Variants in IGHMBP2 observed in about 807,000 individuals in gnomAD.
The protein encoded by IGHMBP2 is DNA-binding protein SMUBP-2.
IGHMBP2 carries 81 observed loss-of-function variants against 96.0 expected under a neutral mutation model. The observed-to-expected ratio is 0.84, with a 90% CI of 0.71 to 1.01. The LOEUF is 1.01. Among genes scored for constraint, IGHMBP2 ranks in the 50% least tolerant of loss-of-function variants. The pLI is 0.00. For missense variants in IGHMBP2, 1,227 were observed against 1,306.3 expected (o/e 0.94, Z 0.94); for synonymous variants, 557 against 548.9 (o/e 1.01, Z -0.21).
At chr11:68,933,010 T>G in intron 8 of IGHMBP2, 1 of 516,916 alleles carries the variant, frequency 1.9e-6, no homozygotes. Flanking sequence ...GACCCTTGGG[T>G]TATCACCTGG....
Position 68,938,338 on chromosome 11 carries a change from G to T in IGHMBP2, c.2768G>T (p.Ser923Ile). ...CQLCSRRYCLSHHLPEIHGCG... is the reference protein window; with the variant it reads ...CQLCSRRYCLIHHLPEIHGCG... ...CTCTGCAGCCGCCGCTACTGCCTCAGCCACCACCTGCCCGAGGTATGTCGG... is the reference window on the plus strand; with the variant it reads ...CTCTGCAGCCGCCGCTACTGCCTCATCCACCACCTGCCCGAGGTATGTCGG... Residue 923 changes from serine to isoleucine, a missense_variant, in exon 14 of 15, where the codon AGC (serine) becomes ATC (isoleucine). Ser to Ile is a moderately radical substitution (Grantham distance 142). This residue lies in a region of IGHMBP2 where 703 missense variants were observed against 770.3 expected (regional missense o/e 0.91). Coordinates refer to ENST00000255078, the MANE Select transcript of IGHMBP2 (RefSeq NM_002180.3). The T allele has an allele frequency of 1.2e-6, 2 of 1,610,740 alleles. No individual in the cohort carries two copies. Among genetic ancestry groups the T allele is most frequent in the Non-Finnish European group, 1.7e-6 (2 of 1,179,258 alleles).
chr11:68,937,214 A>G (rs1289609592), intron 13 of IGHMBP2, 123 bp downstream of exon 13: 4 of 1,263,872 alleles, frequency 3.2e-6, no homozygotes, highest in Non-Finnish European at 4.5e-6. Context: ...TGCCCGTGTC[A>G]TTTTAGCTTT....
chr11:68,914,885 T>C lies in IGHMBP2; in HGVS notation c.774T>C (p.Cys258=), dbSNP rs778607442. ...ATCTGGTGGAGCGCCTGGCTCTGTG[T>C]AAGCAGCGGATTCTGCGCCTGGGAC... The part of the protein sequence containing the change: ...VDNLVERLAL[C]KQRILRLGHP... Residue 258 remains cysteine (C), a synonymous_variant, in exon 6 of 15, where the codon TGT becomes TGC. Coordinates refer to ENST00000255078, the MANE Select transcript of IGHMBP2 (RefSeq NM_002180.3). 6 of 1,614,142 alleles carry C rather than the reference T, an allele frequency of 3.7e-6. No individual in the cohort carries two copies. In the South Asian group the frequency reaches 6.6e-5, roughly 18 times the overall value.
intron 9 of IGHMBP2, 130 bp downstream of exon 9, chr11:68,933,611 A>C: frequency 8.0e-7 from 1 of 1,251,774 alleles, no homozygotes; most frequent in Non-Finnish European, 1.1e-6. Context: ...AGCTTTTTGG[A>C]AGAGAGGGTG....
In IGHMBP2 at chr11:68,934,148, T is replaced by C. The variant is rs1347271652; in HGVS notation, c.1537+235T>C. 5 of 613,698 alleles carry C rather than the reference T, an allele frequency of 8.1e-6. No homozygotes were observed. In the Admixed American group the frequency reaches 1.3e-4, roughly 16 times the overall value. The allele number at this position is 613,698 out of a possible 1,614,324, so 38.0% of individuals were successfully genotyped here. On this transcript the variant is annotated intron_variant, in intron 10 of 14. Transcript: ENST00000255078. ...CATTTTACGGCCTTCTCCTGAATGG[T>C]GGCCCAGCTCTGCCTGGCTGGTCTG...
At chr11:68,912,679 C>T (rs189250521) in intron 5 of IGHMBP2, among the ~76,000 whole-genome samples, 4 of 152,140 alleles carry the variant, frequency 2.6e-5, no homozygotes, top group Admixed American at 1.3e-4. Context: ...CACCAGGCAT[C>T]GTTCTGAGCA....
chr11:68,935,335 C>A lies in IGHMBP2; in HGVS notation c.1669C>A (p.Pro557Thr), dbSNP rs7122089. 28 of 1,614,006 alleles carry A rather than the reference C, an allele frequency of 1.7e-5. No individual in the cohort carries two copies. Among genetic ancestry groups the A allele is most frequent in the Non-Finnish European group, 2.3e-5 (27 of 1,180,036 alleles). Residue 557 changes from proline (P) to threonine (T), a missense_variant, in exon 12 of 15, where the codon CCT becomes ACT. Pro to Thr is a conservative substitution (Grantham distance 38, BLOSUM62 -1). Coordinates refer to ENST00000255078, the MANE Select transcript of IGHMBP2 (RefSeq NM_002180.3). ...LLRQSLVHRH[P>T]ELEIKSVDGF... ...CAGACAGAGCCTTGTGCACAGGCAC[C>A]CTGAGCTTGAAATCAAGTCTGTCGA... is the stretch of plus-strand genomic sequence containing the variant.
chr11:68,919,969 C>T (rs1756669425), intron 7 of IGHMBP2, among the ~76,000 whole-genome samples: 1 of 152,124 alleles, frequency 6.6e-6, no homozygotes, highest in South Asian at 2.1e-4. Flanking sequence ...AGTACAGTAG[C>T]ATTAATTGTA....
At position 68,935,380 on chromosome 11, in the gene IGHMBP2, A is replaced by G. The variant is rs1859485067; in HGVS notation, c.1714A>G (p.Lys572Glu). The G allele has an allele frequency of 6.2e-7, 1 of 1,614,152 alleles. No homozygotes were observed. The highest frequency in any genetic ancestry group is 8.5e-7 in the Non-Finnish European group (1 of 1,180,044). Residue 572 changes from lysine to glutamate, a missense_variant, in exon 12 of 15, where the codon AAG becomes GAG. Coordinates refer to ENST00000255078, the MANE Select transcript of IGHMBP2 (RefSeq NM_002180.3). Reference sequence around the variant, plus strand: ...TGTCGATGGCTTCCAAGGCCGAGAGAAGGAGGCCGTGATACTGTCCTTCGT... The same window carrying G: ...TGTCGATGGCTTCCAAGGCCGAGAGGAGGAGGCCGTGATACTGTCCTTCGT... ...KSVDGFQGRE[K>E]EAVILSFVRS...
chr11:68,937,208 C>T (rs552146307), intron 13 of IGHMBP2, 117 bp downstream of exon 13: 48 of 1,310,252 alleles, frequency 3.7e-5, no homozygotes, highest in Middle Eastern at 2.6e-4. Flanking sequence ...GCACCGTGCC[C>T]GTGTCATTTT....
intron 7 of IGHMBP2, among the ~76,000 whole-genome samples, chr11:68,925,136 C>A (rs944159620): frequency 6.7e-6 from 1 of 149,392 alleles, no homozygotes; most frequent in Non-Finnish European, 1.5e-5. Flanking sequence ...GAACAGAGTC[C>A]AGGTTCTTTT....
chr11:68,914,837 C>A lies in IGHMBP2; in HGVS notation c.726C>A (p.Ala242=), dbSNP rs76690064. ...VKQGLKVLCC[A]PSNIAVDNLV... ...GCGGTTCCCAGGTTCTGTGCTGCGC[C>A]CCCTCCAACATCGCCGTGGACAATC... The change falls in exon 6 of 15, where the codon GCC becomes GCA. Residue 242 remains alanine (A), a synonymous_variant. Coordinates refer to ENST00000255078, the MANE Select transcript of IGHMBP2 (RefSeq NM_002180.3). The A allele has an allele frequency of 3.1e-6, 5 of 1,614,122 alleles. No homozygotes were observed. The East Asian group carries it at 1.1e-4, about 36-fold the overall frequency.
intron 7 of IGHMBP2, among the ~76,000 whole-genome samples, chr11:68,927,359 G>A (rs1859112638): frequency 6.6e-6 from 1 of 152,212 alleles, no homozygotes; most frequent in Admixed American, 6.5e-5. Flanking sequence ...CTGAACTCCT[G>A]GAGCCATAAA....
rs1309191765 is a variant in IGHMBP2 at position 68,915,539 on chromosome 11, G to A, written c.912+516G>A. On this transcript the variant is annotated intron_variant, in intron 6 of 14. Coordinates refer to ENST00000255078, the MANE Select transcript of IGHMBP2 (RefSeq NM_002180.3). The stretch of plus-strand genomic sequence containing the variant: ...GCTCTGTCACCCAGGCCGGAGTGTA[G>A]TGCTGCTGTCTTGGCTCACTGCAGG... 2.6e-5 allele frequency among the ~76,000 whole-genome samples: 4 copies of A among 151,600 alleles called. No homozygotes were observed. In the South Asian group the frequency reaches 8.3e-4, roughly 32 times the overall value.
At chr11:68,913,589 A>C (rs1401892434) in intron 5 of IGHMBP2, among the ~76,000 whole-genome samples, 1 of 151,688 alleles carries the variant, frequency 6.6e-6, no homozygotes, top group East Asian at 2.0e-4. Context: ...GATTACAGGC[A>C]TGAGCCACCG....
At chr11:68,916,306 A>T (rs17149462) in intron 6 of IGHMBP2, among the ~76,000 whole-genome samples, 1 of 152,162 alleles carries the variant, frequency 6.6e-6, no homozygotes, top group Non-Finnish European at 1.5e-5. Context: ...CTTTCCGTCC[A>T]TTCCACCTTC....
At chr11:68,923,599 A>C in intron 7 of IGHMBP2, among the ~76,000 whole-genome samples, 1 of 152,136 alleles carries the variant, frequency 6.6e-6, no homozygotes. Context: ...TAGGGTCTGG[A>C]TCAGTGCTTA....
intron 8 of IGHMBP2, chr11:68,929,689 C>G (rs935996847): frequency 2.1e-6 from 2 of 974,368 alleles, no homozygotes; most frequent in African/African-American, 3.5e-5. Context: ...CCGTGAGAGC[C>G]TTGGGCTGGG....
intron 9 of IGHMBP2, 54 bp from the exon 10 acceptor site, chr11:68,933,741 C>T: frequency 7.1e-7 from 1 of 1,400,572 alleles, no homozygotes. Flanking sequence ...TTGGGTGGGG[C>T]CTCAGTGCTG....
Sources: gnomAD v4.1 joint callset for allele counts (sites outside exome capture counted in the v4.1 genomes callset) on GRCh38, gnomAD v4.1.1 for gene constraint, gnomAD v4.1.1 regional missense constraint, MANE v1.5 for transcripts, NCBI Gene and HGNC (gene_info 2026-07-23, HGNC 2026-07-21) for gene names.